The following INPP4B variants were observed in gnomAD, a reference collection of about 807,000 sequenced individuals.
The protein encoded by INPP4B is inositol polyphosphate-4-phosphatase type II B.
In INPP4B, 55 loss-of-function variants were observed where a neutral mutation model predicts 122.5. The ratio of observed to expected loss-of-function variants is 0.45; its 90% CI spans 0.36 to 0.56. INPP4B has a LOEUF of 0.56. Among genes scored for constraint, INPP4B ranks in the 20% least tolerant of loss-of-function variants. INPP4B has a pLI of 0.00. For missense variants in INPP4B, 1,000 were observed against 1,097.7 expected (o/e 0.91, Z 1.26); for synonymous variants, 403 against 388.7 (o/e 1.04, Z -0.43).
intron 1 of INPP4B, among the ~76,000 whole-genome samples, chr4:142,741,153 G>A (rs1470206122): frequency 6.6e-6 from 1 of 152,034 alleles, no homozygotes; most frequent in Admixed American, 6.6e-5. Flanking sequence ...TTCTTGTGTT[G>A]TTATACAGGA....
intron 1 of INPP4B, among the ~76,000 whole-genome samples, chr4:142,732,284 C>T (rs1481076821): frequency 6.6e-6 from 1 of 152,026 alleles, no homozygotes; most frequent in African/African-American, 2.4e-5. Context: ...ATCCCACACT[C>T]TCATCTATAA....
chr4:142,682,220 A>T (rs919198790), intron 2 of INPP4B, among the ~76,000 whole-genome samples: 4 of 151,848 alleles, frequency 2.6e-5, no homozygotes, highest in Non-Finnish European at 4.4e-5. Context: ...TTTCCCCTCC[A>T]GAGAGAATAT....
intron 2 of INPP4B, among the ~76,000 whole-genome samples, chr4:142,535,745 T>TCAATCA (rs1828113945): frequency 7.1e-6 from 1 of 140,442 alleles, no homozygotes; most frequent in African/African-American, 2.5e-5. Flanking sequence ...TTTCCTAAAT[T>TCAATCA]CAATCATCAT....
chr4:142,708,424 T>G (rs1762709918), intron 2 of INPP4B, among the ~76,000 whole-genome samples: 1 of 152,078 alleles, frequency 6.6e-6, no homozygotes, highest in Non-Finnish European at 1.5e-5. Context: ...CAAGGCAGCC[T>G]CTCCCATCAC....
chr4:142,478,167 G>A (rs1246416430), intron 2 of INPP4B, among the ~76,000 whole-genome samples: 1 of 152,106 alleles, frequency 6.6e-6, no homozygotes, highest in East Asian at 1.9e-4. Flanking sequence ...ATCAGATCTC[G>A]GAGCTTTTGG....
Position 142,308,091 on chromosome 4 carries a change from C to T in INPP4B, c.424-2554G>A, listed in dbSNP as rs550254968. On this transcript the variant is annotated intron_variant, in intron 8 of 25. Coordinates refer to ENST00000262992, the MANE Select transcript of INPP4B (RefSeq NM_001101669.3). The stretch of plus-strand genomic sequence containing the variant: ...ACCAGGAGCTCCTGTGGAAGCAGAA[C>T]GTTGGCTTGTCCATCTCCTAGCTGA... Among the ~76,000 whole-genome samples, 175 of 152,160 alleles carry T rather than the reference C, an allele frequency of 1.2e-3. 1 individual carries two copies. Among genetic ancestry groups the T allele is most frequent in the Non-Finnish European group, 2.1e-3 (144 of 68,026 alleles).
chr4:142,577,492 G>C (rs150078558), intron 2 of INPP4B, among the ~76,000 whole-genome samples: 47 of 152,068 alleles, frequency 3.1e-4, no homozygotes, highest in African/African-American at 1.1e-3. Context: ...GTCTATTAGG[G>C]GAAATATAAA....
intron 15 of INPP4B, among the ~76,000 whole-genome samples, chr4:142,181,659 C>T (rs1219008661): frequency 1.3e-5 from 2 of 152,126 alleles, no homozygotes; most frequent in Admixed American, 6.5e-5. Flanking sequence ...ATTCAAAATG[C>T]TTATAATATT....
At chr4:142,269,921 A>C (rs1744927345) in intron 10 of INPP4B, among the ~76,000 whole-genome samples, 1 of 152,232 alleles carries the variant, frequency 6.6e-6, no homozygotes, top group South Asian at 2.1e-4. Flanking sequence ...TTCCTAAAAG[A>C]AACTACTAGC....
intron 7 of INPP4B, among the ~76,000 whole-genome samples, chr4:142,336,766 G>A (rs1776763555): frequency 6.6e-6 from 1 of 152,200 alleles, no homozygotes; most frequent in Non-Finnish European, 1.5e-5. Flanking sequence ...GCACAGAGCT[G>A]AACAAGGCCC....
At chr4:142,137,826 C>T (rs1206303886) in intron 18 of INPP4B, among the ~76,000 whole-genome samples, 2 of 151,654 alleles carry the variant, frequency 1.3e-5, no homozygotes, top group East Asian at 2.0e-4. Context: ...CAAATCAAAA[C>T]CACAATGAGA....
chr4:142,764,795 T>C (rs79223251), intron 1 of INPP4B, among the ~76,000 whole-genome samples: 3,751 of 152,008 alleles, frequency 0.025, 59 homozygotes, highest in Middle Eastern at 0.095. Context: ...AGCATGTGTA[T>C]CTGGAGATCC....
intron 2 of INPP4B, among the ~76,000 whole-genome samples, chr4:142,522,900 C>T (rs1387006341): frequency 6.6e-6 from 1 of 152,072 alleles, no homozygotes; most frequent in Non-Finnish European, 1.5e-5. Context: ...CAGTAACTTG[C>T]ATGTAAAGGG....
chr4:142,386,960 G>C (rs1344973409), intron 7 of INPP4B, among the ~76,000 whole-genome samples: 1 of 152,118 alleles, frequency 6.6e-6, no homozygotes, highest in Non-Finnish European at 1.5e-5. Flanking sequence ...GGGATCGTGG[G>C]TAAGTTCTCT....
intron 2 of INPP4B, among the ~76,000 whole-genome samples, chr4:142,525,177 A>G (rs1826723262): frequency 6.6e-6 from 1 of 151,954 alleles, no homozygotes; most frequent in African/African-American, 2.4e-5. Context: ...AATCCAACTT[A>G]CAAGGGATGT....
intron 7 of INPP4B, among the ~76,000 whole-genome samples, chr4:142,324,666 G>A (rs1477781298): frequency 2.0e-5 from 3 of 152,034 alleles, no homozygotes; most frequent in Non-Finnish European, 4.4e-5. Flanking sequence ...GGTGAAAAAC[G>A]GCTTTTTAGT....
intron 2 of INPP4B, among the ~76,000 whole-genome samples, chr4:142,525,335 T>C (rs1245910364): frequency 6.8e-6 from 1 of 147,374 alleles, no homozygotes; most frequent in Non-Finnish European, 1.5e-5. Flanking sequence ...ACAGATTCAA[T>C]GCCATCCCCA....
At chr4:142,086,557 G>A (rs1273700569) in intron 23 of INPP4B, among the ~76,000 whole-genome samples, 2 of 152,024 alleles carry the variant, frequency 1.3e-5, no homozygotes, top group East Asian at 1.9e-4. Context: ...TTTGGCCATT[G>A]TCACCCAGGC....
chr4:142,063,663 C>T (rs1346270704), intron 25 of INPP4B, among the ~76,000 whole-genome samples: 1 of 151,830 alleles, frequency 6.6e-6, no homozygotes, highest in Non-Finnish European at 1.5e-5. Flanking sequence ...ATTTATTTTC[C>T]CTAGTACTAG....
Sources: gnomAD v4.1 joint callset for allele counts (sites outside exome capture counted in the v4.1 genomes callset) on GRCh38, gnomAD v4.1.1 for gene constraint, MANE v1.5 for transcripts, NCBI Gene and HGNC (gene_info 2026-07-23, HGNC 2026-07-21) for gene names.